SMARCC1: variants seen among roughly 807,000 people sequenced by gnomAD.
SMARCC1 encodes SWI/SNF complex subunit SMARCC1.
SMARCC1 carries 43 observed loss-of-function variants against 147.4 expected under a neutral mutation model. The observed-to-expected ratio is 0.29, with a 90% CI of 0.23 to 0.38. The LOEUF is 0.38. Ranked by LOEUF, SMARCC1 falls within the 10% of genes least tolerant of loss-of-function variation. The pLI is 1.00. For synonymous variants in SMARCC1, 495 were observed against 484.4 expected (o/e 1.02, Z -0.29); for missense variants, 1,119 against 1,381.1 (o/e 0.81, Z 3.01).
chr3:47,769,512 C>A (rs975358258), intron 2 of SMARCC1, among the ~76,000 whole-genome samples: 1 of 151,912 alleles, frequency 6.6e-6, no homozygotes, highest in African/African-American at 2.4e-5. Flanking sequence ...CAGGCATGAG[C>A]CACCGCACTC....
chr3:47,605,780 CA>C (rs949421086), intron 26 of SMARCC1, among the ~76,000 whole-genome samples: 1 of 151,790 alleles, frequency 6.6e-6, no homozygotes. Flanking sequence ...CTGTCTCAAA[CA>C]AAACAAAACA....
intron 5 of SMARCC1, among the ~76,000 whole-genome samples, chr3:47,729,665 T>C (rs983020961): frequency 1.3e-5 from 2 of 152,194 alleles, no homozygotes; most frequent in African/African-American, 2.4e-5. Flanking sequence ...GGATTAAAGA[T>C]GTGAGCCACT....
intron 5 of SMARCC1, among the ~76,000 whole-genome samples, chr3:47,730,607 T>C (rs1330048867): frequency 6.6e-6 from 1 of 152,188 alleles, no homozygotes; most frequent in African/African-American, 2.4e-5. Flanking sequence ...GGCTCACGCC[T>C]GTAATCCCAG....
At position 47,776,292 on chromosome 3, in the gene SMARCC1, G is replaced by T. The variant is rs890540376; in HGVS notation, c.196-3356C>A. Among the ~76,000 whole-genome samples, 3 of 151,926 alleles carry T rather than the reference G, an allele frequency of 2.0e-5. No individual in the cohort carries two copies. The East Asian group carries it at 5.8e-4, about 29-fold the overall frequency. Reference sequence around the variant, plus strand: ...AATGTACTGCACTTTTTTTGTACACGGTAAAGCAACATAAAAAAATAATGA... The same window carrying T: ...AATGTACTGCACTTTTTTTGTACACTGTAAAGCAACATAAAAAAATAATGA... On this transcript the variant is annotated intron_variant, in intron 1 of 27. Coordinates refer to ENST00000254480, the MANE Select transcript of SMARCC1 (RefSeq NM_003074.4).
At chr3:47,644,092 G>A (rs1209914077) in intron 21 of SMARCC1, among the ~76,000 whole-genome samples, 3 of 152,116 alleles carry the variant, frequency 2.0e-5, no homozygotes, top group African/African-American at 7.2e-5. Context: ...CGAGGAAAAG[G>A]GACTGCTTGA....
intron 11 of SMARCC1, among the ~76,000 whole-genome samples, chr3:47,699,605 T>C (rs1004781228): frequency 6.6e-6 from 1 of 152,004 alleles, no homozygotes; most frequent in Non-Finnish European, 1.5e-5. Flanking sequence ...CATATGTATA[T>C]TGCTCTATAT....
At chr3:47,595,033 G>T (rs1412805521) in intron 26 of SMARCC1, among the ~76,000 whole-genome samples, 3 of 151,712 alleles carry the variant, frequency 2.0e-5, no homozygotes, top group African/African-American at 4.8e-5. Context: ...TTTGGGATTG[G>T]TTTTTTTTCA....
intron 19 of SMARCC1, chr3:47,663,806 T>C (rs2033383528): frequency 6.3e-7 from 1 of 1,583,856 alleles, no homozygotes; most frequent in African/African-American, 1.3e-5. Context: ...CTACAGCCTC[T>C]ATTCCTTCCA....
At chr3:47,638,315 G>C (rs1234429991) in intron 22 of SMARCC1, among the ~76,000 whole-genome samples, 1 of 152,028 alleles carries the variant, frequency 6.6e-6, no homozygotes, top group African/African-American at 2.4e-5. Context: ...GGACGGTCTC[G>C]ATCTCTTGGC....
intron 6 of SMARCC1, among the ~76,000 whole-genome samples, chr3:47,724,469 C>G (rs1262730800): frequency 6.6e-6 from 1 of 152,186 alleles, no homozygotes; most frequent in Non-Finnish European, 1.5e-5. Context: ...AGCAGTAGCA[C>G]AAACTTGTCC....
At chr3:47,677,847 T>C (rs1322415802) in intron 16 of SMARCC1, among the ~76,000 whole-genome samples, 3 of 152,166 alleles carry the variant, frequency 2.0e-5, no homozygotes, top group African/African-American at 7.2e-5. Context: ...CTAAATTAAA[T>C]ATTTAAAATT....
chr3:47,756,988 C>T (rs1177193614), intron 2 of SMARCC1, among the ~76,000 whole-genome samples: 8 of 152,016 alleles, frequency 5.3e-5, no homozygotes, highest in Admixed American at 3.3e-4. Context: ...TGGTGACTCA[C>T]GCCTGTAATC....
At chr3:47,668,051 G>A (rs761863434) in intron 19 of SMARCC1, among the ~76,000 whole-genome samples, 4 of 151,748 alleles carry the variant, frequency 2.6e-5, no homozygotes, top group African/African-American at 4.8e-5. Context: ...ATATAGATAC[G>A]CATGTACATA....
intron 14 of SMARCC1, among the ~76,000 whole-genome samples, chr3:47,684,851 G>A (rs908278868): frequency 2.6e-5 from 4 of 151,834 alleles, no homozygotes; most frequent in South Asian, 2.1e-4. Flanking sequence ...TTTTTCCTAC[G>A]TATACACATA....
intron 26 of SMARCC1, among the ~76,000 whole-genome samples, chr3:47,599,212 C>T (rs949104528): frequency 1.3e-5 from 2 of 152,152 alleles, no homozygotes; most frequent in African/African-American, 4.8e-5. Context: ...CATGGTGAAA[C>T]CCTGTCTCTA....
At chr3:47,704,712 T>C (rs577883502) in intron 10 of SMARCC1, among the ~76,000 whole-genome samples, 42 of 151,014 alleles carry the variant, frequency 2.8e-4, no homozygotes, top group African/African-American at 1.0e-3. Context: ...AGACCAGGAG[T>C]TGGAGACCAG....
At chr3:47,613,120 A>G (rs1055604087) in intron 25 of SMARCC1, among the ~76,000 whole-genome samples, 2 of 152,228 alleles carry the variant, frequency 1.3e-5, no homozygotes, top group African/African-American at 4.8e-5. Flanking sequence ...TGACCCAGTG[A>G]TTAGGCATCT....
At chr3:47,722,078 T>C (rs2034239096) in intron 6 of SMARCC1, among the ~76,000 whole-genome samples, 1 of 151,578 alleles carries the variant, frequency 6.6e-6, no homozygotes, top group Non-Finnish European at 1.5e-5. Flanking sequence ...TAACTCAACA[T>C]GGCAGAGGAA....
At position 47,587,325 on chromosome 3, in the gene SMARCC1, C is replaced by A. The variant is rs762979118; in HGVS notation, c.*884G>T. 2.0e-5 allele frequency: 3 copies of A among 152,208 alleles called. No homozygotes were observed. The highest frequency in any genetic ancestry group is 4.4e-5 in the Non-Finnish European group (3 of 68,026). 9.4% of individuals were successfully genotyped at this position (152,208 alleles called of 1,614,324 possible). A position where few individuals can be genotyped will look rare whatever the true frequency, so the allele number is the denominator to read the frequency against. ...GCTAGACTCATTGGGGGTAATTACC[C>A]TAGACTCCTAACTTTCCAGGCTAGT... On this transcript the variant is annotated 3_prime_UTR_variant, in exon 28 of 28. Transcript: ENST00000254480.
Sources: gnomAD v4.1 joint callset for allele counts (sites outside exome capture counted in the v4.1 genomes callset) on GRCh38, gnomAD v4.1.1 for gene constraint, MANE v1.5 for transcripts, NCBI Gene and HGNC (gene_info 2026-07-23, HGNC 2026-07-21) for gene names.